Variants in RAB3IP observed in about 807,000 individuals in gnomAD.
The protein encoded by RAB3IP is rab-3A-interacting protein.
RAB3IP carries 36 observed loss-of-function variants against 59.1 expected under a neutral mutation model. The observed-to-expected ratio is 0.61, with a 90% confidence interval of 0.47 to 0.80. RAB3IP has a LOEUF of 0.80. RAB3IP is among the 30% of genes least tolerant of loss of function. RAB3IP has a pLI of 0.00. For missense variants in RAB3IP, 511 were observed against 536.0 expected, an observed-to-expected ratio of 0.95 and a Z score of 0.46; for synonymous variants, 207 against 191.2, an observed-to-expected ratio of 1.08 and a Z score of -0.68.
chr12:69,749,263 C>T (rs1868840673), intron 1 of RAB3IP, among the ~76,000 whole-genome samples: 1 of 152,196 alleles, frequency 6.6e-6, no homozygotes, highest in South Asian at 2.1e-4. Flanking sequence ...GTGAACTGCA[C>T]ATTGCAAGGG....
At chr12:69,785,829 C>G (rs768714069) in intron 4 of RAB3IP, among the ~76,000 whole-genome samples, 2 of 152,180 alleles carry the variant, frequency 1.3e-5, no homozygotes, top group Non-Finnish European at 2.9e-5. Flanking sequence ...CAGAAAAGTG[C>G]TGGTAATACC....
At chr12:69,808,555 A>C (rs1041917235) in intron 8 of RAB3IP, among the ~76,000 whole-genome samples, 4 of 152,176 alleles carry the variant, frequency 2.6e-5, no homozygotes, top group Admixed American at 6.5e-5. Flanking sequence ...TTTGTAGGTC[A>C]CTAAGGACTT....
rs373112558 is a variant in RAB3IP at position 69,815,684 on chromosome 12, CA to C, written c.*252del. ...ACTAGTGAATGTAATTTATAGTTGC[CA>C]AAAAAAAAAAAAACCTGAAATAAAT... On this transcript the variant is annotated 3_prime_UTR_variant, in exon 11 of 11. Coordinates refer to ENST00000247833, the MANE Select transcript of RAB3IP (RefSeq NM_022456.5). 0.14 allele frequency: 28,806 copies of C among 211,090 alleles called. 1,179 individuals are homozygous for C. The highest frequency in any genetic ancestry group is 0.19 in the Middle Eastern group (124 of 660). The allele number at this position is 211,090 out of a possible 1,614,324, so 13.1% of individuals were successfully genotyped here. A position where few individuals can be genotyped will look rare whatever the true frequency, so the allele number is the denominator to read the frequency against.
intron 4 of RAB3IP, among the ~76,000 whole-genome samples, chr12:69,787,965 C>G (rs1875972089): frequency 6.6e-6 from 1 of 151,930 alleles, no homozygotes; most frequent in Non-Finnish European, 1.5e-5. Flanking sequence ...AATAAAAATG[C>G]TTTAACATTT....
intron 4 of RAB3IP, among the ~76,000 whole-genome samples, chr12:69,792,419 A>G (rs1216126003): frequency 3.3e-5 from 5 of 152,222 alleles, no homozygotes; most frequent in Non-Finnish European, 7.3e-5. Context: ...TGTATTGTCT[A>G]TGGCTGCTTT....
Position 69,818,314 on chromosome 12 carries a change from T to C in RAB3IP, c.*2868T>C, listed in dbSNP as rs1194489523. 6.6e-6 allele frequency: 1 copy of C among 152,186 alleles called. No homozygotes were observed. The highest frequency in any genetic ancestry group is 1.9e-4 in the East Asian group (1 of 5,180). 9.4% of individuals were successfully genotyped at this position (152,186 alleles called of 1,614,324 possible). A position where few individuals can be genotyped will look rare whatever the true frequency, so the allele number is the denominator to read the frequency against. On this transcript the variant is annotated 3_prime_UTR_variant, in exon 11 of 11. Transcript: ENST00000247833. Reference sequence around the variant, plus strand: ...ATTTTTTTGAATTAGCTGGGCATGGTGGTGCATGCCTGTGGTCCCAGCTAC... The same window carrying C: ...ATTTTTTTGAATTAGCTGGGCATGGCGGTGCATGCCTGTGGTCCCAGCTAC...
chr12:69,760,684 A>T (rs143908824), intron 3 of RAB3IP, among the ~76,000 whole-genome samples: 5 of 151,612 alleles, frequency 3.3e-5, no homozygotes, highest in Non-Finnish European at 5.9e-5. Flanking sequence ...AGAATTTAAG[A>T]TTGATAATTT....
At chr12:69,807,679 A>G (rs1306525137) in intron 8 of RAB3IP, among the ~76,000 whole-genome samples, 1 of 143,110 alleles carries the variant, frequency 7.0e-6, no homozygotes, top group Non-Finnish European at 1.5e-5. Context: ...CACATCCCAG[A>G]CGATGGGCGG....
chr12:69,786,062 T>G (rs1875596192), intron 4 of RAB3IP, among the ~76,000 whole-genome samples: 1 of 152,228 alleles, frequency 6.6e-6, no homozygotes, highest in Admixed American at 6.5e-5. Context: ...AAAACTTTTA[T>G]TATAATAAAC....
chr12:69,747,140 G>C (rs911603127), intron 1 of RAB3IP, among the ~76,000 whole-genome samples: 29 of 152,242 alleles, frequency 1.9e-4, no homozygotes, highest in African/African-American at 5.8e-4. Context: ...GATACAATAT[G>C]ATCAAAATAT....
chr12:69,750,249 C>T (rs1869026233), intron 1 of RAB3IP, among the ~76,000 whole-genome samples: 1 of 152,166 alleles, frequency 6.6e-6, no homozygotes, highest in Non-Finnish European at 1.5e-5. Flanking sequence ...GAGATTGGGG[C>T]TGGTAGTTGA....
intron 1 of RAB3IP, among the ~76,000 whole-genome samples, chr12:69,751,161 T>C (rs1869218747): frequency 6.6e-6 from 1 of 152,210 alleles, no homozygotes; most frequent in South Asian, 2.1e-4. Context: ...ATTTTTAGTG[T>C]CATTATGACC....
chr12:69,786,027 G>GT lies in RAB3IP; in HGVS notation c.606+1219dup, dbSNP rs1451473560. ...CATTATCATTTAACGATATATATAT[G>GT]TTTTTTTCCTAAAGATTTGTTCTTA... On this transcript the variant is annotated intron_variant, in intron 4 of 10. Transcript: ENST00000247833. Among the ~76,000 whole-genome samples the GT allele has an allele frequency of 3.3e-5, 5 of 151,964 alleles. No homozygotes were observed. In the South Asian group the frequency reaches 8.3e-4, roughly 25 times the overall value.
intron 6 of RAB3IP, among the ~76,000 whole-genome samples, chr12:69,797,991 C>T (rs917121359): frequency 2.0e-5 from 3 of 152,088 alleles, no homozygotes; most frequent in African/African-American, 7.2e-5. Flanking sequence ...CATACGTGTG[C>T]GTGTGTCTTT....
Position 69,804,428 on chromosome 12 carries a change from T to G in RAB3IP, c.1130+2707T>G, listed in dbSNP as rs1360465733. Among the ~76,000 whole-genome samples the G allele has an allele frequency of 3.9e-5, 6 of 152,250 alleles. No individual in the cohort carries two copies. In the East Asian group the frequency reaches 1.2e-3, roughly 29 times the overall value. ...TCAGATGAGTAGGTTGCAAAAATTT[T>G]CTCCCATTCTGTAGGTTGCCTGTTC... On this transcript the variant is annotated intron_variant, in intron 8 of 10. Transcript: ENST00000247833.
chr12:69,740,628 T>C (rs1218639126), intron 1 of RAB3IP, among the ~76,000 whole-genome samples: 7 of 152,214 alleles, frequency 4.6e-5, no homozygotes, highest in Non-Finnish European at 7.4e-5. Flanking sequence ...GTTTAGCTGC[T>C]TTGTGGGATT....
intron 4 of RAB3IP, chr12:69,785,050 A>G (rs2136205515): frequency 3.7e-6 from 1 of 267,954 alleles, no homozygotes; most frequent in East Asian, 7.2e-5. Context: ...GTATGTGTGC[A>G]AAGAAAGGAG....
At chr12:69,757,764 T>C (rs1461401495) in intron 3 of RAB3IP, among the ~76,000 whole-genome samples, 1 of 152,216 alleles carries the variant, frequency 6.6e-6, no homozygotes, top group African/African-American at 2.4e-5. Flanking sequence ...GAGATGTGGT[T>C]GCATTTTGTT....
At chr12:69,799,196 C>G (rs1010101759) in intron 6 of RAB3IP, among the ~76,000 whole-genome samples, 9 of 152,156 alleles carry the variant, frequency 5.9e-5, no homozygotes. Flanking sequence ...ACACTCAGCT[C>G]TATGTTACAT....
Sources: allele counts gnomAD v4.1 joint callset (sites outside exome capture counted in the v4.1 genomes callset), GRCh38; gene constraint gnomAD v4.1.1; transcripts MANE v1.5; gene names NCBI Gene and HGNC (gene_info 2026-07-23, HGNC 2026-07-21).